Variants in SNTG2 observed in about 807,000 individuals in gnomAD.
SNTG2 encodes syntrophin gamma 2.
Under a neutral mutation model 70.9 loss-of-function variants are expected in SNTG2, and 74 were observed. That is an observed-to-expected ratio of 1.04 (90% CI 0.86 to 1.27). The LOEUF is 1.27. Ranked by LOEUF, SNTG2 falls within the 50% of genes most tolerant of loss-of-function variation. The pLI, the probability that SNTG2 is intolerant of heterozygous loss-of-function variation, is 0.00. For synonymous variants in SNTG2, 278 were observed against 273.8 expected (o/e 1.02, Z -0.15); for missense variants, 717 against 690.7 (o/e 1.04, Z -0.43).
At chr2:1,194,446 T>G (rs1284119240) in intron 8 of SNTG2, among the ~76,000 whole-genome samples, 1 of 152,208 alleles carries the variant, frequency 6.6e-6, no homozygotes, top group Non-Finnish European at 1.5e-5. Context: ...TTCTTAGAAC[T>G]TCTTAGGCAC....
chr2:1,333,349 C>T (rs1198418150), intron 16 of SNTG2, among the ~76,000 whole-genome samples: 1 of 152,128 alleles, frequency 6.6e-6, no homozygotes, highest in Non-Finnish European at 1.5e-5. Context: ...TGGGTAGGAT[C>T]AATACTGTGA....
intron 4 of SNTG2, among the ~76,000 whole-genome samples, chr2:1,112,098 C>T (rs1027511170): frequency 2.0e-5 from 3 of 151,178 alleles, no homozygotes; most frequent in African/African-American, 2.5e-5. Flanking sequence ...GAGGTTAAAC[C>T]CTTACAGTAC....
intron 16 of SNTG2, among the ~76,000 whole-genome samples, chr2:1,331,551 GA>G (rs1659529286): frequency 6.6e-6 from 1 of 152,186 alleles, no homozygotes; most frequent in African/African-American, 2.4e-5. Flanking sequence ...TAACTTGAGT[GA>G]GACAAGCCTT....
intron 16 of SNTG2, among the ~76,000 whole-genome samples, chr2:1,332,597 A>G (rs1328059873): frequency 2.0e-5 from 3 of 152,210 alleles, no homozygotes; most frequent in Admixed American, 1.3e-4. Flanking sequence ...AGCATATCAA[A>G]TAGATAATAC....
chr2:1,098,225 A>T lies in SNTG2; in HGVS notation c.240A>T (p.Pro80=). The change falls in exon 3 of 17, where the codon CCA becomes CCT. Residue 80 remains proline, a synonymous_variant. Transcript: ENST00000308624. ...NRRTVTLRRQ[P]VGGLGLSIKG... ...GAACTGTTACACTCCGCAGACAGCC[A>T]GTTGGCGGCTTGGGCCTGAGTATAA... 1.2e-6 allele frequency: 2 copies of T among 1,614,040 alleles called. No homozygotes were observed. Among genetic ancestry groups the T allele is most frequent in the Non-Finnish European group, 1.7e-6 (2 of 1,179,894 alleles).
At chr2:1,053,431 A>T (rs1363384345) in intron 1 of SNTG2, among the ~76,000 whole-genome samples, 1 of 151,772 alleles carries the variant, frequency 6.6e-6, no homozygotes, top group Non-Finnish European at 1.5e-5. Context: ...CTCCAGGAGG[A>T]TGTGTTCTGG....
chr2:1,305,893 T>C (rs1157827215), intron 14 of SNTG2, among the ~76,000 whole-genome samples: 3 of 152,242 alleles, frequency 2.0e-5, no homozygotes, highest in African/African-American at 7.2e-5. Flanking sequence ...TGTGTGTGCA[T>C]TGCCATTCAG....
intron 1 of SNTG2, among the ~76,000 whole-genome samples, chr2:984,728 T>TA (rs1193087194): frequency 6.6e-6 from 1 of 152,164 alleles, no homozygotes; most frequent in Non-Finnish European, 1.5e-5. Context: ...AGGACAGTGC[T>TA]AAAGAAGTCA....
rs202099302 is a variant in SNTG2, at chr2:1,322,142, AT to A, written c.1488+5768del. Among the ~76,000 whole-genome samples, 12 of 152,358 alleles carry A rather than the reference AT, an allele frequency of 7.9e-5. No individual in the cohort carries two copies. In the East Asian group the frequency reaches 1.2e-3, roughly 15 times the overall value. On this transcript the variant is annotated intron_variant, in intron 16 of 16. Transcript: ENST00000308624. The stretch of plus-strand genomic sequence containing the variant: ...ACACAATATTCAAACTAACAAAAAA[AT>A]ATAGTTGAATCAAATCTTTTTTCTA...
chr2:1,048,506 A>G (rs1327627770), intron 1 of SNTG2, among the ~76,000 whole-genome samples: 1 of 152,058 alleles, frequency 6.6e-6, no homozygotes, highest in East Asian at 1.9e-4. Flanking sequence ...GTATATCCAC[A>G]CTTTGCTTGT....
intron 14 of SNTG2, among the ~76,000 whole-genome samples, chr2:1,286,462 C>T (rs879493171): frequency 2.0e-5 from 3 of 152,174 alleles, no homozygotes; most frequent in Non-Finnish European, 4.4e-5. Flanking sequence ...CATGGTAAGA[C>T]CAGTGAATTC....
rs1230070075 is a variant in SNTG2, at chr2:1,153,263, AT to A, written c.412-12278del. Among the ~76,000 whole-genome samples, 3 of 152,156 alleles carry A rather than the reference AT, an allele frequency of 2.0e-5. No individual in the cohort carries two copies. The East Asian group carries it at 5.8e-4, about 29-fold the overall frequency. ...CCGTGACATCTTTTTTTTATTATCC[AT>A]TTTTTTATTATACTTTAAAGTTTTA... On this transcript the variant is annotated intron_variant, in intron 6 of 16. Coordinates refer to ENST00000308624, the MANE Select transcript of SNTG2 (RefSeq NM_018968.4).
At chr2:1,294,744 A>C (rs1680130299) in intron 14 of SNTG2, among the ~76,000 whole-genome samples, 2 of 152,228 alleles carry the variant, frequency 1.3e-5, no homozygotes, top group Admixed American at 1.3e-4. Flanking sequence ...TATGATGAGA[A>C]ATTATTGAAC....
intron 9 of SNTG2, among the ~76,000 whole-genome samples, chr2:1,217,066 C>G (rs773901299): frequency 6.6e-6 from 1 of 151,894 alleles, no homozygotes; most frequent in Non-Finnish European, 1.5e-5. Flanking sequence ...TGGGTCTTTT[C>G]TTTTGTTAAG....
intron 1 of SNTG2, among the ~76,000 whole-genome samples, chr2:980,701 C>T (rs1661070097): frequency 6.6e-6 from 1 of 151,878 alleles, no homozygotes; most frequent in African/African-American, 2.4e-5. Flanking sequence ...CATGTACACA[C>T]ACACACACAC....
At position 1,274,061 on chromosome 2, in the gene SNTG2, A is replaced by T. The variant is rs73908803; in HGVS notation, c.1284+6490A>T. ...TTGAAATATGCTCCAAATCATTAGC[A>T]TGTAGGGAAGTGCAAATTAAAACAG... On this transcript the variant is annotated intron_variant, in intron 14 of 16. Coordinates refer to ENST00000308624, the MANE Select transcript of SNTG2 (RefSeq NM_018968.4). Among the ~76,000 whole-genome samples the T allele has an allele frequency of 4.6e-3, 708 of 152,362 alleles. 8 individuals carry two copies. Among genetic ancestry groups the T allele is most frequent in the African/African-American group, 0.016 (678 of 41,590 alleles).
At chr2:1,152,280 C>T (rs1669549851) in intron 6 of SNTG2, among the ~76,000 whole-genome samples, 1 of 152,136 alleles carries the variant, frequency 6.6e-6, no homozygotes, top group South Asian at 2.1e-4. Context: ...TTGATGATAG[C>T]TGATATAGGA....
At chr2:1,011,959 T>C (rs993784745) in intron 1 of SNTG2, among the ~76,000 whole-genome samples, 1 of 152,246 alleles carries the variant, frequency 6.6e-6, no homozygotes, top group African/African-American at 2.4e-5. Context: ...TTATATTCTC[T>C]GAGAAACCGA....
chr2:1,169,093 G>A (rs563758122), intron 7 of SNTG2, among the ~76,000 whole-genome samples: 56 of 152,126 alleles, frequency 3.7e-4, no homozygotes, highest in Non-Finnish European at 7.2e-4. Flanking sequence ...GGGGGAGGAG[G>A]ACTCACTTGT....
Sources: allele counts gnomAD v4.1 joint callset (sites outside exome capture counted in the v4.1 genomes callset), GRCh38; gene constraint gnomAD v4.1.1; transcripts MANE v1.5; gene names NCBI Gene and HGNC (gene_info 2026-07-23, HGNC 2026-07-21).